The following CNTNAP2 variants were observed in gnomAD, a reference collection of about 807,000 sequenced individuals.
CNTNAP2 encodes the protein contactin associated protein 2.
Under a neutral mutation model 155.2 loss-of-function variants are expected in CNTNAP2, and 98 were observed. That is an observed-to-expected ratio of 0.63 (90% CI 0.54 to 0.75). The LOEUF (loss-of-function observed/expected upper bound fraction) is 0.75. Among genes scored for constraint, CNTNAP2 ranks in the 30% least tolerant of loss-of-function variants. The pLI, the probability that CNTNAP2 is intolerant of heterozygous loss-of-function variation, is 0.00. For synonymous variants in CNTNAP2, 651 were observed against 631.2 expected, an observed-to-expected ratio of 1.03 and a Z score of -0.47; for missense variants, 1,727 against 1,688.1, an observed-to-expected ratio of 1.02 and a Z score of -0.40.
At chr7:146,943,591 A>C (rs1335690126) in intron 3 of CNTNAP2, among the ~76,000 whole-genome samples, 1 of 152,216 alleles carries the variant, frequency 6.6e-6, no homozygotes, top group Non-Finnish European at 1.5e-5. Context: ...TCTGTTTACA[A>C]GGTGAATTGT....
intron 8 of CNTNAP2, among the ~76,000 whole-genome samples, chr7:147,193,482 C>T (rs1405945640): frequency 2.0e-5 from 3 of 152,188 alleles, no homozygotes; most frequent in African/African-American, 7.2e-5. Context: ...AAGAAAGATA[C>T]AGCCCACAAG....
chr7:147,039,779 C>T (rs1434258437), intron 3 of CNTNAP2, among the ~76,000 whole-genome samples: 1 of 152,086 alleles, frequency 6.6e-6, no homozygotes, highest in Non-Finnish European at 1.5e-5. Context: ...AAACTAATTT[C>T]CATGCTCACC....
chr7:147,305,933 C>T (rs926771753), intron 9 of CNTNAP2, among the ~76,000 whole-genome samples: 2 of 152,176 alleles, frequency 1.3e-5, no homozygotes, highest in Admixed American at 6.5e-5. Flanking sequence ...TTATAGATAC[C>T]TCCCTCCAGT....
At chr7:148,330,196 T>A (rs1186511238) in intron 21 of CNTNAP2, among the ~76,000 whole-genome samples, 1 of 130,922 alleles carries the variant, frequency 7.6e-6, no homozygotes. Context: ...ATGGAATGGG[T>A]GGATGGAGTG....
intron 1 of CNTNAP2, among the ~76,000 whole-genome samples, chr7:146,196,291 C>A (rs1328600808): frequency 6.6e-6 from 1 of 151,940 alleles, no homozygotes; most frequent in African/African-American, 2.4e-5. Flanking sequence ...ATTTTAGGAG[C>A]AAAATGGAAT....
intron 4 of CNTNAP2, among the ~76,000 whole-genome samples, chr7:147,104,556 T>C (rs1800718580): frequency 6.6e-6 from 1 of 151,656 alleles, no homozygotes. Context: ...GGATCCCCTA[T>C]AAAAGTAACT....
intron 1 of CNTNAP2, among the ~76,000 whole-genome samples, chr7:146,274,635 C>T (rs1800135239): frequency 6.6e-6 from 1 of 152,238 alleles, no homozygotes; most frequent in Non-Finnish European, 1.5e-5. Context: ...CATTAAAGTT[C>T]TTCAAGCCAC....
At chr7:147,828,441 G>C (rs750891006) in intron 13 of CNTNAP2, among the ~76,000 whole-genome samples, 1 of 152,148 alleles carries the variant, frequency 6.6e-6, no homozygotes, top group Admixed American at 6.5e-5. Context: ...CTATGACATA[G>C]GCACATTTCA....
chr7:146,561,995 G>C (rs1798286875), intron 1 of CNTNAP2, among the ~76,000 whole-genome samples: 1 of 152,050 alleles, frequency 6.6e-6, no homozygotes, highest in Middle Eastern at 3.4e-3. Flanking sequence ...TCACAATGTT[G>C]CCCAGGCTGG....
intron 2 of CNTNAP2, among the ~76,000 whole-genome samples, chr7:146,831,296 C>A (rs1246247997): frequency 2.0e-5 from 3 of 151,800 alleles, no homozygotes; most frequent in Non-Finnish European, 4.4e-5. Context: ...TTTGGCAGCT[C>A]CTTTAATAAA....
intron 12 of CNTNAP2, 124 bp downstream of exon 12, chr7:147,562,381 G>C: frequency 8.1e-7 from 1 of 1,234,350 alleles, no homozygotes. Flanking sequence ...GCAACATATT[G>C]CTGGATTTGT....
At chr7:148,053,460 C>T (rs993136002) in intron 15 of CNTNAP2, among the ~76,000 whole-genome samples, 3 of 152,056 alleles carry the variant, frequency 2.0e-5, no homozygotes, top group Admixed American at 6.5e-5. Context: ...TAATTTTCTT[C>T]TCAGTAATAT....
chr7:147,965,902 C>T lies in CNTNAP2; in HGVS notation c.2256-11960C>T, dbSNP rs554000699. On this transcript the variant is annotated intron_variant, in intron 14 of 23. Transcript: ENST00000361727. Reference sequence around the variant, plus strand: ...GTGGTGTGCCTTTTTCAAACGTCTACGTCCCACAGCATCTTCGAGATATTG... The same window carrying T: ...GTGGTGTGCCTTTTTCAAACGTCTATGTCCCACAGCATCTTCGAGATATTG... Among the ~76,000 whole-genome samples the T allele has an allele frequency of 9.2e-5, 14 of 152,186 alleles. No homozygotes were observed. The South Asian group carries it at 2.3e-3, about 25-fold the overall frequency.
Position 147,522,791 on chromosome 7 carries a change from A to AC in CNTNAP2, c.1777+36750_1777+36751insC, listed in dbSNP as rs1341247082. 2.4e-4 allele frequency among the ~76,000 whole-genome samples: 35 copies of AC among 146,042 alleles called. 1 individual carries two copies. Among genetic ancestry groups the AC allele is most frequent in the Admixed American group, 2.1e-3 (31 of 15,006 alleles). On this transcript the variant is annotated intron_variant, in intron 11 of 23. Coordinates refer to ENST00000361727, the MANE Select transcript of CNTNAP2 (RefSeq NM_014141.6). ...AGCAAAAAAAAAACAAAAAAACAAA[A>AC]AAAAAAAAACCTACTAAAAAATAAT...
intron 11 of CNTNAP2, among the ~76,000 whole-genome samples, chr7:147,554,783 G>A (rs1330363972): frequency 6.6e-6 from 1 of 151,856 alleles, no homozygotes; most frequent in Non-Finnish European, 1.5e-5. Context: ...GCTGTGTGCT[G>A]ATAATGAGAC....
chr7:147,094,119 C>G (rs1199391461), intron 4 of CNTNAP2, among the ~76,000 whole-genome samples: 2 of 152,100 alleles, frequency 1.3e-5, no homozygotes. Flanking sequence ...CATGGCACCT[C>G]TATACATTGC....
At chr7:147,641,504 AG>A (rs1445056771) in intron 13 of CNTNAP2, among the ~76,000 whole-genome samples, 2 of 150,960 alleles carry the variant, frequency 1.3e-5, no homozygotes, top group Non-Finnish European at 2.9e-5. Flanking sequence ...CTGATTCAGT[AG>A]GTCTCAGGTG....
intron 3 of CNTNAP2, among the ~76,000 whole-genome samples, chr7:146,879,243 G>T (rs1236982554): frequency 6.6e-6 from 1 of 152,008 alleles, no homozygotes; most frequent in African/African-American, 2.4e-5. Flanking sequence ...AATAGATGTT[G>T]GCATAGATGA....
intron 1 of CNTNAP2, among the ~76,000 whole-genome samples, chr7:146,164,064 A>G (rs1265858128): frequency 6.6e-6 from 1 of 152,190 alleles, no homozygotes; most frequent in Non-Finnish European, 1.5e-5. Context: ...AATTAGTGGT[A>G]AGTTTTCTGA....
Sources: gnomAD v4.1 joint callset for allele counts (sites outside exome capture counted in the v4.1 genomes callset) on GRCh38, gnomAD v4.1.1 for gene constraint, MANE v1.5 for transcripts, NCBI Gene and HGNC (gene_info 2026-07-23, HGNC 2026-07-21) for gene names.